Variants in ELMO2 observed in about 807,000 individuals in gnomAD.
ELMO2 encodes the protein engulfment and cell motility protein 2.
A neutral mutation model predicts 96.2 loss-of-function variants in ELMO2; 37 were observed. That is an observed-to-expected ratio of 0.38 (90% confidence interval 0.30 to 0.51). The LOEUF (loss-of-function observed/expected upper bound fraction) is 0.51. Among genes scored for constraint, ELMO2 ranks in the 20% least tolerant of loss-of-function variants. The probability of loss-of-function intolerance (pLI) is 0.88; values close to 1 mark genes in which losing one functional copy is unlikely to be tolerated. For missense variants in ELMO2, 561 were observed against 912.6 expected (o/e 0.61, Z 4.96); for synonymous variants, 315 against 329.4 (o/e 0.96, Z 0.47).
At chr20:46,369,069 T>C (rs1411156478) in intron 20 of ELMO2, 101 bp from the exon 21 acceptor site, 5 of 1,066,508 alleles carry the variant, frequency 4.7e-6, no homozygotes, top group Non-Finnish European at 7.2e-6. Context: ...TCACCAAACA[T>C]GCTGATTCAG....
intron 10 of ELMO2, chr20:46,382,362 A>G: frequency 1.2e-6 from 1 of 860,436 alleles, no homozygotes. Flanking sequence ...ACAAGGACAG[A>G]CAGAACCACA....
chr20:46,387,288 T>G (rs753340203), intron 8 of ELMO2, 50 bp downstream of exon 8: 1 of 1,531,234 alleles, frequency 6.5e-7, no homozygotes, highest in African/African-American at 1.4e-5. Context: ...TTAAGCCTTG[T>G]GAACTGGCAG....
intron 2 of ELMO2, among the ~76,000 whole-genome samples, chr20:46,398,167 T>C (rs1460166523): frequency 6.6e-6 from 1 of 152,124 alleles, no homozygotes; most frequent in Non-Finnish European, 1.5e-5. Context: ...TAATTAACAA[T>C]GGCTGAATTA....
intron 6 of ELMO2, among the ~76,000 whole-genome samples, chr20:46,391,306 G>A (rs180790085): frequency 5.5e-4 from 83 of 152,230 alleles, no homozygotes; most frequent in African/African-American, 1.9e-3. Flanking sequence ...TGTGACAAGT[G>A]GCAAGTAATT....
intron 11 of ELMO2, chr20:46,376,905 G>T: frequency 9.5e-7 from 1 of 1,056,822 alleles, no homozygotes; most frequent in Admixed American, 3.2e-5. Context: ...TGAAAATTTG[G>T]TTCCTTAGTT....
Position 46,389,087 on chromosome 20 carries a change from A to G in ELMO2, c.377T>C (p.Ile126Thr). 9 of 1,614,172 alleles carry G rather than the reference A, an allele frequency of 5.6e-6. No individual in the cohort carries two copies. Among genetic ancestry groups the G allele is most frequent in the Admixed American group, 1.7e-5 (1 of 60,024 alleles). ...FATEFINMDG[I>T]IVLTRLVESG... is the part of the protein sequence containing the mutation. ...TTCCACGAGCCTTGTCAGCACAATG[A>G]TGCCATCCATGTTGATGAACTCAGT... Residue 126 changes from isoleucine to threonine, a missense_variant, in exon 7 of 22, where the codon ATC becomes ACC. By Grantham distance (89) the Ile-to-Thr change is moderately conservative (BLOSUM62 -1). Transcript: ENST00000290246.
At chr20:46,382,819 A>G (rs2059980258) in intron 10 of ELMO2, among the ~76,000 whole-genome samples, 2 of 152,234 alleles carry the variant, frequency 1.3e-5, no homozygotes, top group Non-Finnish European at 2.9e-5. Flanking sequence ...TCACAGAGGC[A>G]GAGCTATCTG....
intron 11 of ELMO2, among the ~76,000 whole-genome samples, chr20:46,378,862 A>T (rs1360655205): frequency 6.6e-6 from 1 of 152,258 alleles, no homozygotes; most frequent in Non-Finnish European, 1.5e-5. Flanking sequence ...AATGCTCAAG[A>T]TCAAAGATTG....
chr20:46,401,729 A>G (rs1369068704), intron 1 of ELMO2, among the ~76,000 whole-genome samples: 2 of 152,132 alleles, frequency 1.3e-5, no homozygotes, highest in Non-Finnish European at 2.9e-5. Context: ...CTGAGTCTGT[A>G]TGTTTGCTTG....
rs186487192 is a variant in ELMO2, at chr20:46,397,603, G to A, written c.-51+1094C>T. Among the ~76,000 whole-genome samples, 412 of 152,254 alleles carry A rather than the reference G, an allele frequency of 2.7e-3. 3 individuals are homozygous for A. The highest frequency in any genetic ancestry group is 8.9e-3 in the African/African-American group (370 of 41,544). On this transcript the variant is annotated intron_variant, in intron 2 of 21. Coordinates refer to ENST00000290246, the MANE Select transcript of ELMO2 (RefSeq NM_133171.5). ...GGAGGACAGCTTGAACCCAGGAGGC[G>A]GAGGTTTCAGTGAGCACAGATTGCA...
chr20:46,382,954 A>G (rs948868966), intron 10 of ELMO2, among the ~76,000 whole-genome samples: 1 of 152,190 alleles, frequency 6.6e-6, no homozygotes, highest in African/African-American at 2.4e-5. Flanking sequence ...GGGTAGCCAC[A>G]GGGTCTCCTC....
Position 46,374,644 on chromosome 20 carries a change from G to C in ELMO2, c.1066-4C>G, listed in dbSNP as rs776529751. On this transcript the variant is annotated splice_polypyrimidine_tract_variant and splice_region_variant and intron_variant, in intron 13 of 21. Transcript: ENST00000290246. The stretch of plus-strand genomic sequence containing the variant: ...CCATGGCTGGATTGATGTGGTTCTA[G>C]AGAAATAAAGACACCCAATTTGAGA... The C allele has an allele frequency of 4.3e-6, 7 of 1,613,720 alleles. No homozygotes were observed. In the South Asian group the frequency reaches 4.4e-5, roughly 10 times the overall value.
chr20:46,391,915 G>A (rs568413602), intron 6 of ELMO2, among the ~76,000 whole-genome samples: 1 of 152,064 alleles, frequency 6.6e-6, no homozygotes, highest in Admixed American at 6.6e-5. Context: ...TTGACTCCAC[G>A]TCCCCTTCGC....
intron 7 of ELMO2, 60 bp from the exon 8 acceptor site, chr20:46,387,497 G>A: frequency 7.3e-7 from 1 of 1,379,012 alleles, no homozygotes. Flanking sequence ...AAACACAGGT[G>A]TGAGGGCAGC....
At chr20:46,387,641 AAAAAAAAAAAAAT>A in intron 7 of ELMO2, 1 of 228,470 alleles carries the variant, frequency 4.4e-6, no homozygotes, top group East Asian at 9.1e-5. Context: ...GCAAAAAAAA[AAAAAAAAAAAAAT>A]GTTGCTGGGT....
At chr20:46,386,347 T>C in intron 8 of ELMO2, 72 bp from the exon 9 acceptor site, 2 of 1,575,756 alleles carry the variant, frequency 1.3e-6, no homozygotes, top group East Asian at 2.2e-5. Flanking sequence ...CATCTGATGC[T>C]AGCCCTTGAA....
chr20:46,405,088 G>A (rs960271634), intron 1 of ELMO2, among the ~76,000 whole-genome samples: 1 of 152,188 alleles, frequency 6.6e-6, no homozygotes, highest in Non-Finnish European at 1.5e-5. Flanking sequence ...TGTGTGAGAT[G>A]CTAGAGATAC....
chr20:46,375,380 G>A lies in ELMO2; in HGVS notation c.931-10C>T, dbSNP rs747913898. On this transcript the variant is annotated splice_polypyrimidine_tract_variant and intron_variant, in intron 12 of 21. Transcript: ENST00000290246. The surrounding 1 kb of genome is among the most constrained non-coding windows in gnomAD (Gnocchi z 4.6). ...TGATGTCCCTTTGAGCCTGCGAGGT[G>A]AAACAGACAGTCAGCAGGTGAATCG... The A allele has an allele frequency of 1.2e-6, 2 of 1,613,028 alleles. No individual in the cohort carries two copies. The highest frequency in any genetic ancestry group is 1.7e-6 in the Non-Finnish European group (2 of 1,179,046).
In ELMO2 at chr20:46,383,482, C is replaced by A; in HGVS notation, c.690G>T (p.Glu230Asp). 1 of 1,613,982 alleles carries A rather than the reference C, an allele frequency of 6.2e-7. No homozygotes were observed. The highest frequency in any genetic ancestry group is 8.5e-7 in the Non-Finnish European group (1 of 1,179,872). Residue 230 changes from glutamate to aspartate, a missense_variant, in exon 10 of 22, where the codon GAG (glutamate) becomes GAT (aspartate). Physicochemically the swap from Glu to Asp is conservative, Grantham distance 45. Transcript: ENST00000290246. ...TCAGTGCAATGGCGTAGGTCTGAAT[C>A]TCCTGGTTGGAGCTGTGTCAATGGA... ...LISHLQVSNQEIQTYAIALIN... is the reference protein window; with the variant it reads ...LISHLQVSNQDIQTYAIALIN...
Sources: gnomAD v4.1 joint callset for allele counts (sites outside exome capture counted in the v4.1 genomes callset) on GRCh38, gnomAD v4.1.1 for gene constraint, Gnocchi (gnomAD v3.1) non-coding constraint, MANE v1.5 for transcripts, NCBI Gene and HGNC (gene_info 2026-07-23, HGNC 2026-07-21) for gene names.